EED: variants seen among roughly 807,000 people sequenced by gnomAD.
EED encodes the protein embryonic ectoderm development.
Under a neutral mutation model 61.0 loss-of-function variants are expected in EED, and 9 were observed. The ratio of observed to expected loss-of-function variants is 0.15; its 90% CI spans 0.09 to 0.26. EED has a LOEUF of 0.26. Among genes scored for constraint, EED ranks in the 10% least tolerant of loss-of-function variants. EED has a pLI of 1.00. For missense variants in EED, 315 were observed against 542.3 expected (o/e 0.58, Z 4.16); for synonymous variants, 187 against 174.4 (o/e 1.07, Z -0.57).
At chr11:86,264,421 A>G (rs1011051767) in intron 7 of EED, 158 bp downstream of exon 7, 3 of 502,726 alleles carry the variant, frequency 6.0e-6, no homozygotes, top group Non-Finnish European at 1.1e-5. Context: ...AGATGAAGGA[A>G]TAAAACAAGT....
At chr11:86,285,313 G>C in the EED span, among the ~76,000 whole-genome samples, 1 of 152,068 alleles carries the variant, frequency 6.6e-6, no homozygotes, top group South Asian at 2.1e-4. Context: ...CCAGCTACTA[G>C]GGAGGCTAAG....
the EED span, among the ~76,000 whole-genome samples, chr11:86,285,400 A>G: frequency 1.3e-5 from 2 of 152,162 alleles, no homozygotes; most frequent in Non-Finnish European, 2.9e-5. Context: ...AGCCAGGGTG[A>G]CAGAGCAAGA....
At chr11:86,264,414 TGAAG>T in intron 7 of EED, 151 bp downstream of exon 7, 1 of 523,504 alleles carries the variant, frequency 1.9e-6, no homozygotes, top group South Asian at 4.0e-5. Flanking sequence ...AATCTCCAGA[TGAAG>T]GAATAAAACA....
At chr11:86,271,125 A>G (rs1052688986) in intron 9 of EED, among the ~76,000 whole-genome samples, 1 of 152,194 alleles carries the variant, frequency 6.6e-6, no homozygotes, top group Non-Finnish European at 1.5e-5. Context: ...TATAATTTCA[A>G]GGAGAATTAA....
intron 6 of EED, among the ~76,000 whole-genome samples, chr11:86,259,849 A>G (rs1380102242): frequency 2.0e-5 from 3 of 152,250 alleles, no homozygotes; most frequent in African/African-American, 7.2e-5. Context: ...TTAGATACTA[A>G]CAAGTATTGA....
chr11:86,245,420 G>C, intron 1 of EED, 77 bp downstream of exon 1: 2 of 1,239,166 alleles, frequency 1.6e-6, no homozygotes, highest in African/African-American at 1.5e-5. Context: ...GCGCGGGGAC[G>C]AGCGGGCTGC....
intron 8 of EED, chr11:86,268,117 A>AG (rs1194405989): frequency 6.1e-6 from 1 of 165,152 alleles, no homozygotes; most frequent in Non-Finnish European, 1.3e-5. Context: ...ATTTTCAGTG[A>AG]GAAACTGATC....
intron 1 of EED, among the ~76,000 whole-genome samples, chr11:86,247,407 G>A (rs922698503): frequency 2.6e-5 from 4 of 152,174 alleles, no homozygotes; most frequent in African/African-American, 9.7e-5. Context: ...TTTAGATGTA[G>A]TCCTATACTA....
chr11:86,277,807 A>G (rs921704316), intron 10 of EED, 111 bp from the exon 11 acceptor site: 2 of 989,276 alleles, frequency 2.0e-6, no homozygotes, highest in African/African-American at 3.4e-5. Context: ...AAGAGCACAG[A>G]GGCTGGAACT....
downstream of EED, among the ~76,000 whole-genome samples, chr11:86,281,888 T>TA (rs1269139556): frequency 6.6e-6 from 1 of 152,234 alleles, no homozygotes; most frequent in Non-Finnish European, 1.5e-5. Context: ...GTATATTTCT[T>TA]ACACAGTGTC....
chr11:86,252,024 C>A, intron 2 of EED, 124 bp from the exon 3 acceptor site: 1 of 552,228 alleles, frequency 1.8e-6, no homozygotes, highest in Non-Finnish European at 3.0e-6. Context: ...CAAAAGTTAG[C>A]TTATGTATGA....
intron 3 of EED, among the ~76,000 whole-genome samples, chr11:86,253,839 G>C (rs1301460888): frequency 6.6e-6 from 1 of 152,002 alleles, no homozygotes; most frequent in Non-Finnish European, 1.5e-5. Flanking sequence ...CCTGAACTCA[G>C]GAGTTCGAGA....
Position 86,251,537 on chromosome 11 carries a change from C to G in EED, c.268-611C>G, listed in dbSNP as rs189683526. ...GAAGTTGGCCAGTAAAATCCTAAAG[C>G]TGAAAAATAACTTTGTGAACAAAAG... On this transcript the variant is annotated intron_variant, in intron 2 of 11. Transcript: ENST00000263360. Among the ~76,000 whole-genome samples the G allele has an allele frequency of 1.6e-4, 24 of 152,254 alleles. No individual in the cohort carries two copies. In the East Asian group the frequency reaches 4.2e-3, roughly 27 times the overall value.
chr11:86,256,644 T>C, intron 5 of EED, 132 bp downstream of exon 5: 2 of 899,766 alleles, frequency 2.2e-6, no homozygotes, highest in Non-Finnish European at 1.5e-6. Context: ...CTTACTGCTC[T>C]CTTTGGATGA....
intron 6 of EED, chr11:86,263,931 A>C (rs189825522): frequency 1.1e-5 from 5 of 474,276 alleles, no homozygotes; most frequent in Non-Finnish European, 1.5e-5. Context: ...TCACACCACT[A>C]TTGCATTGGG....
chr11:86,248,317 T>C (rs560657597), intron 1 of EED, among the ~76,000 whole-genome samples: 2 of 152,318 alleles, frequency 1.3e-5, no homozygotes, highest in Admixed American at 1.3e-4. Flanking sequence ...ATGGGTAAAT[T>C]AAGTGATCAG....
chr11:86,257,812 C>G (rs1945716343), intron 6 of EED, among the ~76,000 whole-genome samples: 2 of 152,220 alleles, frequency 1.3e-5, no homozygotes, highest in South Asian at 4.1e-4. Context: ...AAGTGCCTCT[C>G]CATCCTGAGA....
intron 8 of EED, 112 bp from the exon 9 acceptor site, chr11:86,268,344 T>A: frequency 1.6e-6 from 1 of 624,800 alleles, no homozygotes; most frequent in Non-Finnish European, 2.7e-6. Context: ...CACAGAGGAA[T>A]TAATAGTCTT....
At chr11:86,263,480 A>G (rs1310021287) in intron 6 of EED, among the ~76,000 whole-genome samples, 1 of 152,220 alleles carries the variant, frequency 6.6e-6, no homozygotes, top group Non-Finnish European at 1.5e-5. Flanking sequence ...GCTATAACAC[A>G]ATACCACAGA....
Sources: allele counts gnomAD v4.1 joint callset (sites outside exome capture counted in the v4.1 genomes callset), GRCh38; gene constraint gnomAD v4.1.1; transcripts MANE v1.5; gene names NCBI Gene and HGNC (gene_info 2026-07-23, HGNC 2026-07-21).